Variants in CENPH observed in about 807,000 individuals in gnomAD.
CENPH encodes CENP-H.
Under a neutral mutation model 42.9 loss-of-function variants are expected in CENPH, and 40 were observed. That is an observed-to-expected ratio of 0.93 (90% CI 0.72 to 1.21). The LOEUF (loss-of-function observed/expected upper bound fraction) is 1.21. Among genes scored for constraint, CENPH ranks in the 50% most tolerant of loss-of-function variants. CENPH has a pLI of 0.00. For missense variants in CENPH, 302 were observed against 292.9 expected (o/e 1.03, Z -0.23); for synonymous variants, 88 against 96.5 (o/e 0.91, Z 0.52).
In CENPH at chr5:69,197,183, A is replaced by G. The variant is rs566390032; in HGVS notation, c.371+74A>G. Reference sequence around the variant, plus strand: ...TGACTTTAGTTTTGTGAATTTTAAAAAATTATTACTGCCAACTACCTTTGT... The same window carrying G: ...TGACTTTAGTTTTGTGAATTTTAAAGAATTATTACTGCCAACTACCTTTGT... On this transcript the variant is annotated intron_variant, in intron 5 of 8. Coordinates refer to ENST00000283006, the MANE Select transcript of CENPH (RefSeq NM_022909.4). 8.8e-6 allele frequency: 8 copies of G among 913,936 alleles called. No individual in the cohort carries two copies. The South Asian group carries it at 1.8e-4, about 20-fold the overall frequency. 56.6% of individuals were successfully genotyped at this position (913,936 alleles called of 1,614,324 possible). A position where few individuals can be genotyped will look rare whatever the true frequency, so the allele number is the denominator to read the frequency against.
At chr5:69,199,695 G>A (rs1243457572) in intron 5 of CENPH, among the ~76,000 whole-genome samples, 1 of 152,118 alleles carries the variant, frequency 6.6e-6, no homozygotes, top group African/African-American at 2.4e-5. Flanking sequence ...GGGAACTCAG[G>A]TAAGACAGTT....
At position 69,191,159 on chromosome 5, in the gene CENPH, G is replaced by A. The variant is rs921697778; in HGVS notation, c.135-636G>A. ...GTGTTTGTAAATACAGTGGTTTGGG[G>A]TTTAATCATTTTGGTCTATTCTTTG... On this transcript the variant is annotated intron_variant, in intron 1 of 8. Coordinates refer to ENST00000283006, the MANE Select transcript of CENPH (RefSeq NM_022909.4). Among the ~76,000 whole-genome samples the A allele has an allele frequency of 3.3e-5, 5 of 151,292 alleles. No individual in the cohort carries two copies. In the South Asian group the frequency reaches 8.6e-4, roughly 26 times the overall value.
At chr5:69,200,844 TCTC>T (rs1748048978) in intron 5 of CENPH, among the ~76,000 whole-genome samples, 2 of 148,632 alleles carry the variant, frequency 1.3e-5, no homozygotes, top group African/African-American at 2.5e-5. Context: ...TTCAAGCGAT[TCTC>T]CTGCCTCGGC....
chr5:69,191,428 C>T (rs1231422126), intron 1 of CENPH, among the ~76,000 whole-genome samples: 1 of 152,088 alleles, frequency 6.6e-6, no homozygotes, highest in Non-Finnish European at 1.5e-5. Flanking sequence ...AGGAGAATGG[C>T]GTGAACCCGG....
At position 69,191,807 on chromosome 5, in the gene CENPH, GACAAA is replaced by G; in HGVS notation, c.152_156del (p.Lys51ThrfsTer6). 6.4e-7 allele frequency: 1 copy of G among 1,552,640 alleles called. No homozygotes were observed. Among genetic ancestry groups the G allele is most frequent in the East Asian group, 2.2e-5 (1 of 44,510 alleles). On this transcript the variant is annotated frameshift_variant, in exon 2 of 9. Transcript: ENST00000283006. LOFTEE classifies it high-confidence loss of function. ...TATCTGTTTTCAGGCTGAGAGCACA[GACAAA>G]ACAACAACTCTTAGAATATAAATCA...
intron 5 of CENPH, among the ~76,000 whole-genome samples, chr5:69,200,275 C>T (rs1267773241): frequency 1.3e-5 from 2 of 152,138 alleles, no homozygotes; most frequent in African/African-American, 4.8e-5. Flanking sequence ...CTTGGGATTC[C>T]TATGTAAGCC....
chr5:69,209,304 T>C (rs676879), intron 8 of CENPH, among the ~76,000 whole-genome samples: 91,082 of 151,704 alleles, frequency 0.6, 27,837 homozygotes, highest in African/African-American at 0.71. Flanking sequence ...GGGTGGATCA[T>C]GAGGTCAGGA....
At chr5:69,189,811 G>A in intron 1 of CENPH, 43 bp downstream of exon 1, 1 of 1,418,132 alleles carries the variant, frequency 7.1e-7, no homozygotes, top group Non-Finnish European at 9.2e-7. Context: ...AGTGGGCGTT[G>A]TGGCCCGGAA....
chr5:69,192,587 T>C (rs1369976941), intron 2 of CENPH, among the ~76,000 whole-genome samples: 4 of 152,106 alleles, frequency 2.6e-5, no homozygotes, highest in African/African-American at 9.7e-5. Flanking sequence ...GAGATTAGCC[T>C]GGGAAACAAA....
intron 7 of CENPH, among the ~76,000 whole-genome samples, chr5:69,204,676 G>A (rs1748120706): frequency 7.5e-6 from 1 of 133,668 alleles, no homozygotes; most frequent in African/African-American, 2.9e-5. Context: ...TGCAATCTCG[G>A]CTCACTGCAA....
chr5:69,192,021 G>A (rs1363477182), intron 2 of CENPH, among the ~76,000 whole-genome samples, 171 bp downstream of exon 2: 4 of 152,126 alleles, frequency 2.6e-5, no homozygotes, highest in African/African-American at 9.7e-5. Flanking sequence ...AAGTAACTGG[G>A]ACCACAGGCA....
chr5:69,209,308 G>A (rs1202699611), intron 8 of CENPH, among the ~76,000 whole-genome samples: 2 of 152,058 alleles, frequency 1.3e-5, no homozygotes, highest in Non-Finnish European at 1.5e-5. Context: ...GGATCATGAG[G>A]TCAGGAGTTT....
chr5:69,196,798 C>T (rs1478905004), intron 4 of CENPH, among the ~76,000 whole-genome samples: 2 of 152,168 alleles, frequency 1.3e-5, no homozygotes, highest in African/African-American at 4.8e-5. Flanking sequence ...TCATTCAGCT[C>T]AGGCCAGGTT....
chr5:69,206,475 C>G (rs972604394), intron 7 of CENPH, among the ~76,000 whole-genome samples: 1 of 149,910 alleles, frequency 6.7e-6, no homozygotes, highest in Non-Finnish European at 1.5e-5. Flanking sequence ...GCCACCGTGC[C>G]CAGCCGGTGT....
chr5:69,201,293 C>T (rs1391018527), intron 5 of CENPH, among the ~76,000 whole-genome samples: 1 of 152,166 alleles, frequency 6.6e-6, no homozygotes, highest in African/African-American at 2.4e-5. Flanking sequence ...ACTTCATATC[C>T]TTATTCCACC....
At chr5:69,195,512 C>T (rs17271735) in intron 3 of CENPH, among the ~76,000 whole-genome samples, 23,236 of 152,064 alleles carry the variant, frequency 0.15, 1,924 homozygotes, top group African/African-American at 0.21. Context: ...ACTTTCTGGC[C>T]TCCCTTTTTA....
intron 7 of CENPH, among the ~76,000 whole-genome samples, chr5:69,203,562 T>G (rs759065020): frequency 2.0e-5 from 3 of 152,066 alleles, no homozygotes; most frequent in Non-Finnish European, 4.4e-5. Context: ...AGAGATGGGA[T>G]TTCACCATGT....
intron 1 of CENPH, 88 bp downstream of exon 1, chr5:69,189,856 T>C: frequency 1.1e-5 from 15 of 1,334,832 alleles, no homozygotes; most frequent in Non-Finnish European, 1.2e-5. Flanking sequence ...GGGTTCGAAT[T>C]CACGCTCGGT....
Position 69,191,808 on chromosome 5 carries a change from A to T in CENPH, c.148A>T (p.Thr50Ser), listed in dbSNP as rs1288529728. 1 of 1,552,670 alleles carries T rather than the reference A, an allele frequency of 6.4e-7. No individual in the cohort carries two copies. The highest frequency in any genetic ancestry group is 8.9e-7 in the Non-Finnish European group (1 of 1,124,884). Residue 50 changes from threonine (T) to serine (S), a missense_variant, in exon 2 of 9, where the codon ACA becomes TCA. Thr to Ser is a moderately conservative substitution (Grantham distance 58, BLOSUM62 1). Coordinates refer to ENST00000283006, the MANE Select transcript of CENPH (RefSeq NM_022909.4). ...ATCTGTTTTCAGGCTGAGAGCACAG[A>T]CAAAACAACAACTCTTAGAATATAA... ...MTLLLRLRAQ[T>S]KQQLLEYKSM...
Sources: gnomAD v4.1 joint callset for allele counts (sites outside exome capture counted in the v4.1 genomes callset) on GRCh38, gnomAD v4.1.1 for gene constraint, MANE v1.5 for transcripts, NCBI Gene and HGNC (gene_info 2026-07-23, HGNC 2026-07-21) for gene names.